The following ZMYND8 variants were observed in gnomAD, a reference collection of about 807,000 sequenced individuals.
ZMYND8 encodes zinc finger MYND-type containing 8.
A neutral mutation model predicts 140.8 loss-of-function variants in ZMYND8; 37 were observed. The ratio of observed to expected loss-of-function variants is 0.26; its 90% confidence interval spans 0.20 to 0.35. The LOEUF (loss-of-function observed/expected upper bound fraction) is 0.35. Ranked by LOEUF, ZMYND8 falls within the 10% of genes least tolerant of loss-of-function variation. ZMYND8 has a pLI of 1.00. For synonymous variants in ZMYND8, 592 were observed against 597.1 expected, an observed-to-expected ratio of 0.99 and a Z score of 0.12; for missense variants, 1,068 against 1,570.0, an observed-to-expected ratio of 0.68 and a Z score of 5.40.
intron 12 of ZMYND8, among the ~76,000 whole-genome samples, chr20:47,258,735 TCAAGCCCTATA>T (rs1331488949): frequency 6.6e-6 from 1 of 152,132 alleles, no homozygotes; most frequent in Admixed American, 6.5e-5. Context: ...ACAGACAGAA[TCAAGCCCTATA>T]AAGCATTTGT....
At chr20:47,294,639 G>T (rs2076402) in intron 5 of ZMYND8, 27 bp downstream of exon 5, 899,641 of 1,594,542 alleles carry the variant, frequency 0.56, 254,505 homozygotes, top group Middle Eastern at 0.61. Context: ...TCATTTACGC[G>T]TATACCAAGA....
chr20:47,350,085 A>T, intron 1 of ZMYND8: 1 of 1,362,162 alleles, frequency 7.3e-7, no homozygotes, highest in East Asian at 2.8e-5. Context: ...AGGGAAAAAA[A>T]AGTTAAGCTG....
intron 3 of ZMYND8, among the ~76,000 whole-genome samples, chr20:47,306,670 AAG>A (rs1184161197): frequency 2.7e-5 from 4 of 150,826 alleles, no homozygotes; most frequent in Non-Finnish European, 4.4e-5. Context: ...TCCCGGGTTC[AAG>A]AGAGTCTCTT....
At chr20:47,216,414 G>A (rs2146840679) in intron 21 of ZMYND8, among the ~76,000 whole-genome samples, 1 of 144,036 alleles carries the variant, frequency 6.9e-6, no homozygotes, top group African/African-American at 2.5e-5. Context: ...AGAATCACCT[G>A]AATTGAGGAG....
chr20:47,284,448 A>T (rs1011671982), intron 8 of ZMYND8, among the ~76,000 whole-genome samples: 5 of 152,226 alleles, frequency 3.3e-5, no homozygotes, highest in African/African-American at 1.2e-4. Context: ...TAGTCCCTGC[A>T]ACAAAGAATT....
At chr20:47,253,640 A>C (rs6018364) in intron 12 of ZMYND8, among the ~76,000 whole-genome samples, 4,275 of 152,230 alleles carry the variant, frequency 0.028, 178 homozygotes, top group African/African-American at 0.093. Flanking sequence ...CTATGTGAGT[A>C]AAGAAAACTC....
intron 3 of ZMYND8, among the ~76,000 whole-genome samples, chr20:47,308,964 AC>A (rs370321160): frequency 7.5e-4 from 115 of 152,320 alleles, no homozygotes; most frequent in African/African-American, 2.6e-3. Context: ...CTGCTGAAGA[AC>A]AAGTGGCATC....
chr20:47,217,879 T>TC (rs2036353844), intron 21 of ZMYND8, among the ~76,000 whole-genome samples: 2 of 140,604 alleles, frequency 1.4e-5, no homozygotes, highest in Non-Finnish European at 3.1e-5. Context: ...CTCGCCCCCC[T>TC]CTTCCCCCCA....
intron 14 of ZMYND8, among the ~76,000 whole-genome samples, chr20:47,245,661 A>C (rs2040480296): frequency 6.6e-6 from 1 of 152,284 alleles, no homozygotes; most frequent in African/African-American, 2.4e-5. Context: ...CTTTGGGGAA[A>C]TAAATGAGCA....
At position 47,229,815 on chromosome 20, in the gene ZMYND8, TA is replaced by T; in HGVS notation, c.2857-10del. The T allele has an allele frequency of 6.2e-7, 1 of 1,607,862 alleles. No homozygotes were observed. Among genetic ancestry groups the T allele is most frequent in the Non-Finnish European group, 8.5e-7 (1 of 1,176,124 alleles). On this transcript the variant is annotated splice_polypyrimidine_tract_variant and intron_variant, in intron 16 of 22. Transcript: ENST00000471951. Reference sequence around the variant, plus strand: ...TTTATTGCATCCATCATCTGAAAGATAAAAACAGAAACAATTCAGCTGATCA... The same window carrying T: ...TTTATTGCATCCATCATCTGAAAGATAAAACAGAAACAATTCAGCTGATCA...
intron 10 of ZMYND8, among the ~76,000 whole-genome samples, chr20:47,277,651 T>TTTTA (rs35308600): frequency 0.14 from 20,207 of 147,508 alleles, 1,507 homozygotes; most frequent in South Asian, 0.29. Context: ...AATTAATTCA[T>TTTTA]TTTATTTATT....
chr20:47,232,016 C>G (rs2038558077), intron 16 of ZMYND8, among the ~76,000 whole-genome samples: 1 of 152,220 alleles, frequency 6.6e-6, no homozygotes, highest in Admixed American at 6.5e-5. Flanking sequence ...AAAAGTTCAT[C>G]AGCTCCCAAA....
Position 47,221,428 on chromosome 20 carries a change from T to C in ZMYND8, c.3303A>G (p.Thr1101=). 6.2e-7 allele frequency: 1 copy of C among 1,614,168 alleles called. No homozygotes were observed. The highest frequency in any genetic ancestry group is 8.5e-7 in the Non-Finnish European group (1 of 1,180,022). Residue 1101 remains threonine (T), a synonymous_variant, in exon 20 of 23, where the codon ACA becomes ACG. Coordinates refer to ENST00000471951, the MANE Select transcript of ZMYND8 (RefSeq NM_001281775.3). ...AGCTCCCCTGGGAGGACTTATTTAG[T>C]GTTTCTGTGTTCACCTCAGCATCCG... The part of the protein sequence containing the change: ...QEADAEVNTE[T]LNKSSQGSSS...
chr20:47,347,864 C>T lies in ZMYND8; in HGVS notation c.77G>A (p.Arg26His), dbSNP rs1271092599. Residue 26 changes from arginine (R) to histidine (H), a missense_variant, in exon 2 of 23, where the codon CGC (arginine) becomes CAC (histidine). By Grantham distance (29) the Arg-to-His change is conservative (BLOSUM62 0). Around this residue, in one of 10 missense-constraint regions of ZMYND8, gnomAD observed 77 missense variants for 85.1 expected, o/e 0.91. Coordinates refer to ENST00000471951, the MANE Select transcript of ZMYND8 (RefSeq NM_001281775.3). ...ACAAGATTTTTACTCACCTTTGGAG[C>T]GAGTAGAGATATCCATGCCCTCTAC... is the stretch of plus-strand genomic sequence containing the variant. ...EVVEGMDIST[R>H]SKDPGSAERT... The T allele has an allele frequency of 1.2e-5, 19 of 1,613,594 alleles. No individual in the cohort carries two copies. Among genetic ancestry groups the T allele is most frequent in the East Asian group, 2.2e-5 (1 of 44,898 alleles).
At chr20:47,287,746 C>G (rs977594317) in intron 7 of ZMYND8, among the ~76,000 whole-genome samples, 1 of 152,198 alleles carries the variant, frequency 6.6e-6, no homozygotes, top group East Asian at 1.9e-4. Context: ...AATCCCAACA[C>G]CTTGGGAGGC....
chr20:47,339,293 C>T (rs1366547867), intron 2 of ZMYND8, among the ~76,000 whole-genome samples: 2 of 151,938 alleles, frequency 1.3e-5, no homozygotes, highest in Non-Finnish European at 2.9e-5. Flanking sequence ...ACTGTGCCCC[C>T]TCTAAGCAGG....
At chr20:47,253,387 A>C (rs2074340395) in intron 12 of ZMYND8, among the ~76,000 whole-genome samples, 1 of 152,110 alleles carries the variant, frequency 6.6e-6, no homozygotes, top group South Asian at 2.1e-4. Context: ...ATATACAAAA[A>C]TTAGCCAGGC....
In ZMYND8 at chr20:47,281,172, T is replaced by C. The variant is rs369615060; in HGVS notation, c.998+930A>G. 8.5e-5 allele frequency among the ~76,000 whole-genome samples: 13 copies of C among 152,322 alleles called. No individual in the cohort carries two copies. The South Asian group carries it at 2.7e-3, about 32-fold the overall frequency. On this transcript the variant is annotated intron_variant, in intron 10 of 22. Transcript: ENST00000471951. Reference sequence around the variant, plus strand: ...ATACTTCCTACCAAATCCAGCACCATCTCAATAATTTCCATTTTGTCTTCT... The same window carrying C: ...ATACTTCCTACCAAATCCAGCACCACCTCAATAATTTCCATTTTGTCTTCT...
At chr20:47,305,186 G>A (rs997976086) in intron 3 of ZMYND8, among the ~76,000 whole-genome samples, 1 of 151,912 alleles carries the variant, frequency 6.6e-6, no homozygotes, top group African/African-American at 2.4e-5. Flanking sequence ...CAAGGCTGTA[G>A]TAAGCCACAA....
Sources: gnomAD v4.1 joint callset for allele counts (sites outside exome capture counted in the v4.1 genomes callset) on GRCh38, gnomAD v4.1.1 for gene constraint, gnomAD v4.1.1 regional missense constraint, MANE v1.5 for transcripts, NCBI Gene and HGNC (gene_info 2026-07-23, HGNC 2026-07-21) for gene names.